RPS6KL1: variants seen among roughly 807,000 people sequenced by gnomAD.
RPS6KL1 encodes the protein ribosomal protein S6 kinase like 1.
In RPS6KL1, 41 loss-of-function variants were observed where a neutral mutation model predicts 57.0. The ratio of observed to expected loss-of-function variants is 0.72; its 90% CI spans 0.56 to 0.93. The LOEUF (loss-of-function observed/expected upper bound fraction) is 0.93. Among genes scored for constraint, RPS6KL1 ranks in the 40% least tolerant of loss-of-function variants. The pLI, the probability that RPS6KL1 is intolerant of heterozygous loss-of-function variation, is 0.00. For missense variants in RPS6KL1, 697 were observed against 727.7 expected (o/e 0.96, Z 0.49); for synonymous variants, 287 against 309.7 (o/e 0.93, Z 0.77).
intron 10 of RPS6KL1, 151 bp from the exon 11 acceptor site, chr14:74,907,681 T>C (rs1297108730): frequency 1.4e-6 from 1 of 716,092 alleles, no homozygotes; most frequent in Non-Finnish European, 2.3e-6. Context: ...GCCTGATGGC[T>C]AAGCAGTGCC....
At chr14:74,922,795 G>A (rs1470353283) in intron 1 of RPS6KL1, among the ~76,000 whole-genome samples, 2 of 152,220 alleles carry the variant, frequency 1.3e-5, no homozygotes, top group Non-Finnish European at 2.9e-5. Flanking sequence ...CCAACCCCAG[G>A]TCATTTGGAG....
chr14:74,909,254 T>C, intron 8 of RPS6KL1, 64 bp from the exon 9 acceptor site: 1 of 1,487,126 alleles, frequency 6.7e-7, no homozygotes, highest in South Asian at 1.1e-5. Context: ...GGGAGGGGGT[T>C]GCAGGGCTTC....
intron 4 of RPS6KL1, among the ~76,000 whole-genome samples, chr14:74,919,323 C>A (rs537525035): frequency 3.3e-5 from 5 of 152,236 alleles, no homozygotes; most frequent in African/African-American, 1.2e-4. Context: ...CGTGAGTACG[C>A]GCAACCGTGG....
intron 1 of RPS6KL1, among the ~76,000 whole-genome samples, chr14:74,922,693 G>A (rs1888031094): frequency 6.6e-6 from 1 of 152,222 alleles, no homozygotes; most frequent in African/African-American, 2.4e-5. Flanking sequence ...AGCCGTGGCT[G>A]CGGGAAGGGA....
Position 74,906,308 on chromosome 14 carries a change from A to G in RPS6KL1, c.*706T>C, listed in dbSNP as rs3742786. On this transcript the variant is annotated 3_prime_UTR_variant, in exon 12 of 12. Coordinates refer to ENST00000557413, the MANE Select transcript of RPS6KL1 (RefSeq NM_031464.5). ...CAGACTTGCTCTAAGGGGCAGACCCATGCATTCCTTCCTCCCCCCATTACT... is the reference window on the plus strand; with the variant it reads ...CAGACTTGCTCTAAGGGGCAGACCCGTGCATTCCTTCCTCCCCCCATTACT... 209,460 of 346,514 alleles carry G rather than the reference A, an allele frequency of 0.6. 66,541 individuals are homozygous for G. Among genetic ancestry groups the G allele is most frequent in the African/African-American group, 0.91 (41,902 of 46,180 alleles). 21.5% of individuals were successfully genotyped at this position (346,514 alleles called of 1,614,324 possible). A position where few individuals can be genotyped will look rare whatever the true frequency, so the allele number is the denominator to read the frequency against.
chr14:74,908,828 T>C (rs755563260), intron 10 of RPS6KL1, 22 bp downstream of exon 10: 21 of 1,609,146 alleles, frequency 1.3e-5, no homozygotes, highest in Non-Finnish European at 1.6e-5. Context: ...ACCAGGGCAC[T>C]ACACCCAGCC....
rs775956448 is a variant in RPS6KL1, at chr14:74,907,102, C to T, written c.1562G>A (p.Arg521Gln). 1.4e-5 allele frequency: 23 copies of T among 1,612,764 alleles called. No individual in the cohort carries two copies. Among genetic ancestry groups the T allele is most frequent in the Admixed American group, 3.3e-5 (2 of 59,782 alleles). Residue 521 changes from arginine to glutamine, a missense_variant, in exon 12 of 12, where the codon CGG becomes CAG. By Grantham distance (43) the Arg-to-Gln change is conservative (BLOSUM62 1). Coordinates refer to ENST00000557413, the MANE Select transcript of RPS6KL1 (RefSeq NM_031464.5). ...ACCACCTTCTCCCATGCCCAGGCGCCGGGTAGGCTCGAACTGCAGCAGCTG... is the reference window on the plus strand; with the variant it reads ...ACCACCTTCTCCCATGCCCAGGCGCTGGGTAGGCTCGAACTGCAGCAGCTG... ...LTELLQFEPTRRLGMGEGGVS... is the reference protein window; with the variant it reads ...LTELLQFEPTQRLGMGEGGVS...
intron 5 of RPS6KL1, among the ~76,000 whole-genome samples, chr14:74,915,727 T>A (rs1199019771): frequency 6.6e-6 from 1 of 152,128 alleles, no homozygotes; most frequent in African/African-American, 2.4e-5. Flanking sequence ...CCAGATCTGA[T>A]TTTTTCAAGA....
At chr14:74,919,477 A>G (rs1887431245) in intron 4 of RPS6KL1, among the ~76,000 whole-genome samples, 1 of 152,178 alleles carries the variant, frequency 6.6e-6, no homozygotes, top group Non-Finnish European at 1.5e-5. Context: ...TCCAAATTGC[A>G]TGCCGGTTCA....
At chr14:74,913,610 G>C (rs1465984714) in intron 5 of RPS6KL1, among the ~76,000 whole-genome samples, 1 of 152,142 alleles carries the variant, frequency 6.6e-6, no homozygotes, top group African/African-American at 2.4e-5. Context: ...TTGGTGAGTG[G>C]AAAGGCTGTG....
chr14:74,920,899 A>G (rs985871386), intron 3 of RPS6KL1, among the ~76,000 whole-genome samples: 1 of 152,116 alleles, frequency 6.6e-6, no homozygotes, highest in African/African-American at 2.4e-5. Flanking sequence ...TGAAACCCCA[A>G]TTGTGCCATT....
rs1463973178 is a variant in RPS6KL1, at chr14:74,903,966, A to T, written c.*3048T>A. On this transcript the variant is annotated 3_prime_UTR_variant, in exon 12 of 12. Transcript: ENST00000557413. ...AGTCAACCTCTGTAAAAATATTTGA[A>T]GAGATTTATTCTGAGCCAAGTGTGA... 1 of 152,250 alleles carries T rather than the reference A, an allele frequency of 6.6e-6. No homozygotes were observed. The highest frequency in any genetic ancestry group is 6.5e-5 in the Admixed American group (1 of 15,288). 9.4% of individuals were successfully genotyped at this position (152,250 alleles called of 1,614,324 possible).
In RPS6KL1 at chr14:74,911,812, T is replaced by C. The variant is rs1188400128; in HGVS notation, c.513A>G (p.Gly171=). The C allele has an allele frequency of 6.4e-7, 1 of 1,553,832 alleles. No individual in the cohort carries two copies. The highest frequency in any genetic ancestry group is 8.7e-7 in the Non-Finnish European group (1 of 1,148,540). The part of the protein sequence containing the change: ...KVQLVQDPAT[G]GTFVVKSLPR... ...CACCTGCCTTCACCACAAAGGTCCC[T>C]CCGGTTGCCGGGTCCTGGACCAGCT... The change falls in exon 6 of 12, where the codon GGA becomes GGG. Residue 171 remains glycine, a synonymous_variant. Coordinates refer to ENST00000557413, the MANE Select transcript of RPS6KL1 (RefSeq NM_031464.5).
At chr14:74,910,358 GCC>G in intron 7 of RPS6KL1, 2 of 445,626 alleles carry the variant, frequency 4.5e-6, no homozygotes, top group Non-Finnish European at 3.9e-6. Context: ...ACTAAAGTGG[GCC>G]CAGCCTTACA....
rs1462580297 is a variant in RPS6KL1, at chr14:74,905,237, T to G, written c.*1777A>C. The G allele has an allele frequency of 2.0e-5, 3 of 152,106 alleles. No individual in the cohort carries two copies. The highest frequency in any genetic ancestry group is 6.6e-5 in the Admixed American group (1 of 15,264). 9.4% of individuals were successfully genotyped at this position (152,106 alleles called of 1,614,324 possible). A position where few individuals can be genotyped will look rare whatever the true frequency, so the allele number is the denominator to read the frequency against. On this transcript the variant is annotated 3_prime_UTR_variant, in exon 12 of 12. Coordinates refer to ENST00000557413, the MANE Select transcript of RPS6KL1 (RefSeq NM_031464.5). ...AGAAGTTCCAGAAGGGACTTGTGCT[T>G]CATGAAGCGGTGGTTGGAAGTGGTC...
chr14:74,923,034 G>C lies in RPS6KL1; in HGVS notation c.-529+146C>G, dbSNP rs1012605477. The stretch of plus-strand genomic sequence containing the variant: ...CCGCCGGGCAGGGTCCTGCCGGGCA[G>C]AGCCGCCGGCCCCGCCTGGACACAG... On this transcript the variant is annotated intron_variant, in intron 1 of 11. Coordinates refer to ENST00000557413, the MANE Select transcript of RPS6KL1 (RefSeq NM_031464.5). The C allele has an allele frequency of 7.2e-5, 11 of 152,434 alleles. No homozygotes were observed. The East Asian group carries it at 2.1e-3, about 30-fold the overall frequency. The allele number at this position is 152,434 out of a possible 1,614,324, so 9.4% of individuals were successfully genotyped here.
chr14:74,920,081 G>C (rs1203949062), intron 3 of RPS6KL1, 112 bp from the exon 4 acceptor site: 2 of 1,394,702 alleles, frequency 1.4e-6, no homozygotes, highest in Non-Finnish European at 2.0e-6. Context: ...TGTTTCTAAG[G>C]CTGGTTCGGC....
At chr14:74,921,248 C>CCCCCCCCCCCCCCCCCCCCCGG in intron 3 of RPS6KL1, 29 bp downstream of exon 3, 1 of 1,176,718 alleles carries the variant, frequency 8.5e-7, no homozygotes, top group Non-Finnish European at 1.3e-6. Context: ...TCCCCACCCA[C>CCCCCCCCCCCCCCCCCCCCCGG]CCCAGCCCTG....
rs1330836813 is a variant in RPS6KL1, at chr14:74,908,756, C to G, written c.1443+94G>C. 12 of 1,100,528 alleles carry G rather than the reference C, an allele frequency of 1.1e-5. No homozygotes were observed. In the Admixed American group the frequency reaches 2.1e-4, roughly 19 times the overall value. 68.2% of individuals were successfully genotyped at this position (1,100,528 alleles called of 1,614,324 possible). On this transcript the variant is annotated intron_variant, in intron 10 of 11. Transcript: ENST00000557413. ...CAGTTGTGCTGGTAGGACAGCCAGG[C>G]AGTCTCTGCCCAGACTGGCTGGATG...
Sources: gnomAD v4.1 joint callset for allele counts (sites outside exome capture counted in the v4.1 genomes callset) on GRCh38, gnomAD v4.1.1 for gene constraint, MANE v1.5 for transcripts, NCBI Gene and HGNC (gene_info 2026-07-23, HGNC 2026-07-21) for gene names.